The following MDN1 variants were observed in gnomAD, a reference collection of about 807,000 sequenced individuals.
MDN1 encodes midasin AAA ATPase 1, also known as midasin.
Under a neutral mutation model 669.2 loss-of-function variants are expected in MDN1, and 266 were observed. The observed-to-expected ratio is 0.40, with a 90% CI of 0.36 to 0.44. MDN1 has a LOEUF of 0.44. MDN1 is among the 20% of genes least tolerant of loss of function. MDN1 has a pLI of 1.00. For missense variants in MDN1, 5,940 were observed against 6,754.0 expected (o/e 0.88, Z 4.22); for synonymous variants, 2,385 against 2,457.1 (o/e 0.97, Z 0.87).
intron 1 of MDN1, among the ~76,000 whole-genome samples, chr6:89,809,955 T>C (rs1768280430): frequency 8.5e-6 from 1 of 117,314 alleles, no homozygotes; most frequent in African/African-American, 3.3e-5. Context: ...TGTACCACTA[T>C]ACCCCAGCCT....
At chr6:89,750,316 T>G in intron 24 of MDN1, 38 bp downstream of exon 24, 1 of 1,544,168 alleles carries the variant, frequency 6.5e-7, no homozygotes, top group Non-Finnish European at 8.9e-7. Context: ...TGTGAAAGAA[T>G]AAACACCTAT....
At chr6:89,657,619 C>T (rs1018604552) in intron 90 of MDN1, among the ~76,000 whole-genome samples, 9 of 152,176 alleles carry the variant, frequency 5.9e-5, no homozygotes, top group Non-Finnish European at 1.5e-5. Context: ...AAAAACAACA[C>T]GAACCTGATT....
rs772759741 is a variant in MDN1, at chr6:89,713,232, C to T, written c.7134G>A (p.Gln2378=). The change falls in exon 47 of 102, where the codon CAG becomes CAA. Residue 2378 remains glutamine (Q), a synonymous_variant. Coordinates refer to ENST00000369393, the MANE Select transcript of MDN1 (RefSeq NM_014611.3). ...QTAILIVQYL[Q]RGLSLDRAFS... ...AGGCTCTGTCTAAACTCAGCCCTCG[C>T]TGCAGGTACTGGACAATTAGTATGG... The T allele has an allele frequency of 1.9e-6, 3 of 1,614,064 alleles. No homozygotes were observed. The highest frequency in any genetic ancestry group is 1.1e-5 in the South Asian group (1 of 91,074).
At position 89,647,880 on chromosome 6, in the gene MDN1, G is replaced by C. The variant is rs1419943113; in HGVS notation, c.16395+152C>G. 9 of 620,704 alleles carry C rather than the reference G, an allele frequency of 1.4e-5. No individual in the cohort carries two copies. The Admixed American group carries it at 2.6e-4, about 18-fold the overall frequency. 38.4% of individuals were successfully genotyped at this position (620,704 alleles called of 1,614,324 possible). ...AGGCAGGAGGACTGCTTGAGCCCGG[G>C]AGTTCGAAGCTATAGTGAGCTATGA... On this transcript the variant is annotated intron_variant, in intron 99 of 101. Coordinates refer to ENST00000369393, the MANE Select transcript of MDN1 (RefSeq NM_014611.3).
intron 91 of MDN1, among the ~76,000 whole-genome samples, chr6:89,656,207 A>C (rs1809280961): frequency 6.6e-6 from 1 of 152,184 alleles, no homozygotes; most frequent in Non-Finnish European, 1.5e-5. Context: ...ACATCCATAT[A>C]TGTCATATAT....
chr6:89,673,306 T>C lies in MDN1; in HGVS notation c.13404A>G (p.Gly4468=). Residue 4468 remains glycine, a synonymous_variant, in exon 80 of 102, where the codon GGA becomes GGG. Transcript: ENST00000369393. The part of the protein sequence containing the change: ...ALVESLEYVR[G]EISKAMADFT... Reference sequence around the variant, plus strand: ...AGTCAGCCATGGCTTTACTAATTTCTCCTCTTACATATTCCAGACTTTCAA... The same window carrying C: ...AGTCAGCCATGGCTTTACTAATTTCCCCTCTTACATATTCCAGACTTTCAA... 6.2e-7 allele frequency: 1 copy of C among 1,614,206 alleles called. No homozygotes were observed. Among genetic ancestry groups the C allele is most frequent in the Non-Finnish European group, 8.5e-7 (1 of 1,180,022 alleles).
chr6:89,688,853 G>A (rs376090583), intron 65 of MDN1, 45 bp from the exon 66 acceptor site: 26 of 1,499,052 alleles, frequency 1.7e-5, no homozygotes, highest in Non-Finnish European at 2.4e-5. Context: ...TCAGTAAGTT[G>A]ATCTATCAAC....
chr6:89,674,514 AG>A lies in MDN1; in HGVS notation c.12836del (p.Pro4279LeufsTer36). 2 of 1,609,514 alleles carry A rather than the reference AG, an allele frequency of 1.2e-6. No individual in the cohort carries two copies. Among genetic ancestry groups the A allele is most frequent in the Non-Finnish European group, 8.5e-7 (1 of 1,179,714 alleles). The part of the protein sequence containing the change: ...GPQAYPVAFP[P>X]QDGVQQWTER... Reference sequence around the variant, plus strand: ...CTGTCCACTGCTGCACGCCATCCTGAGGGGGGAAGGCCACGGGGTAGGCCTG... The same window carrying A: ...CTGTCCACTGCTGCACGCCATCCTGAGGGGGAAGGCCACGGGGTAGGCCTG... On this transcript the variant is annotated frameshift_variant, in exon 79 of 102. Transcript: ENST00000369393. LOFTEE classifies it high-confidence loss of function.
rs780077704 is a variant in MDN1 at position 89,743,127 on chromosome 6, A to G, written c.4448+23T>C. On this transcript the variant is annotated intron_variant, in intron 31 of 101. Transcript: ENST00000369393. The stretch of plus-strand genomic sequence containing the variant: ...CACACCAACAAAAATATCAAACACA[A>G]GGCAAACCTCTCAGGCACGTACCTG... 12 of 1,608,150 alleles carry G rather than the reference A, an allele frequency of 7.5e-6. No homozygotes were observed. In the East Asian group the frequency reaches 2.7e-4, roughly 36 times the overall value.
At chr6:89,792,950 G>C (rs763783507) in intron 5 of MDN1, among the ~76,000 whole-genome samples, 2 of 152,118 alleles carry the variant, frequency 1.3e-5, no homozygotes, top group Non-Finnish European at 2.9e-5. Flanking sequence ...ACCTGGGAGG[G>C]GGGAGGTTGC....
chr6:89,682,720 A>C (rs1023359572), intron 73 of MDN1, among the ~76,000 whole-genome samples: 3 of 148,632 alleles, frequency 2.0e-5, no homozygotes, highest in Admixed American at 1.3e-4. Flanking sequence ...AAAAAAAAAA[A>C]AAAAAAACTA....
At chr6:89,788,857 G>A (rs1050035039) in intron 7 of MDN1, among the ~76,000 whole-genome samples, 3 of 152,226 alleles carry the variant, frequency 2.0e-5, no homozygotes, top group Admixed American at 2.0e-4. Context: ...CGGGCGCGGT[G>A]GCTCACGCCT....
At position 89,790,186 on chromosome 6, in the gene MDN1, G is replaced by C. The variant is rs750218992; in HGVS notation, c.1071C>G (p.Val357=). Residue 357 remains valine (V), a synonymous_variant, in exon 6 of 102, where the codon GTC becomes GTG. Coordinates refer to ENST00000369393, the MANE Select transcript of MDN1 (RefSeq NM_014611.3). ...GRTKPPQLLK[V]QLGDQTDSKM... is the part of the protein sequence containing the mutation. ...TACTGTCAGTCTGATCTCCAAGCTG[G>C]ACTTTGAGAAGCTGAGGAGGCTTTG... is the stretch of plus-strand genomic sequence containing the variant. 2.9e-5 allele frequency: 47 copies of C among 1,613,890 alleles called. No individual in the cohort carries two copies. The highest frequency in any genetic ancestry group is 8.3e-5 in the Admixed American group (5 of 59,974).
At chr6:89,732,500 T>C in intron 34 of MDN1, 57 bp downstream of exon 34, 1 of 1,496,968 alleles carries the variant, frequency 6.7e-7, no homozygotes, top group East Asian at 2.3e-5. Context: ...GGCTTGCTCC[T>C]TTTCCTATGC....
intron 15 of MDN1, among the ~76,000 whole-genome samples, chr6:89,765,638 A>T (rs1817772557): frequency 6.6e-6 from 1 of 152,208 alleles, no homozygotes. Context: ...TGAAAATAAC[A>T]GTATAAATGG....
chr6:89,796,142 T>C (rs1287184255), intron 2 of MDN1, among the ~76,000 whole-genome samples: 1 of 151,328 alleles, frequency 6.6e-6, no homozygotes, highest in African/African-American at 2.4e-5. Flanking sequence ...CTGGCCAACA[T>C]GGTGAAACTC....
intron 96 of MDN1, among the ~76,000 whole-genome samples, 200 bp downstream of exon 96, chr6:89,650,532 G>T (rs575311073): frequency 3.3e-5 from 5 of 152,330 alleles, no homozygotes; most frequent in African/African-American, 1.2e-4. Context: ...GTAACAAGGT[G>T]ATCAATACAG....
chr6:89,764,280 A>T (rs1817694740), intron 15 of MDN1, among the ~76,000 whole-genome samples: 1 of 152,090 alleles, frequency 6.6e-6, no homozygotes, highest in Non-Finnish European at 1.5e-5. Context: ...GACCCACAAG[A>T]TCTTACTCCT....
At chr6:89,747,847 C>T (rs994082716) in intron 26 of MDN1, among the ~76,000 whole-genome samples, 14 of 136,784 alleles carry the variant, frequency 1.0e-4, no homozygotes, top group South Asian at 2.3e-4. Flanking sequence ...GCCGAGACTG[C>T]GCCACTGCAC....
Sources: allele counts gnomAD v4.1 joint callset (sites outside exome capture counted in the v4.1 genomes callset), GRCh38; gene constraint gnomAD v4.1.1; transcripts MANE v1.5; gene names NCBI Gene and HGNC (gene_info 2026-07-23, HGNC 2026-07-21).